Variants in IQSEC3 observed in about 807,000 individuals in gnomAD.
IQSEC3 encodes IQ motif and Sec7 domain ArfGEF 3, also known as IQ motif and SEC7 domain-containing protein 3.
In IQSEC3, 50 loss-of-function variants were observed where a neutral mutation model predicts 105.4. That is an observed-to-expected ratio of 0.47 (90% CI 0.38 to 0.60). The LOEUF (loss-of-function observed/expected upper bound fraction) is 0.60. IQSEC3 is among the 20% of genes least tolerant of loss of function. The pLI is 0.00. For synonymous variants in IQSEC3, 708 were observed against 746.0 expected, an observed-to-expected ratio of 0.95 and a Z score of 0.83; for missense variants, 1,415 against 1,630.0, an observed-to-expected ratio of 0.87 and a Z score of 2.27.
intron 13 of IQSEC3, among the ~76,000 whole-genome samples, chr12:174,114 G>A (rs920295526): frequency 6.6e-6 from 1 of 152,132 alleles, no homozygotes; most frequent in Admixed American, 6.5e-5. Flanking sequence ...CTATGAGGTC[G>A]ACGGTGCCAA....
In IQSEC3 at chr12:91,768, G is replaced by A. The variant is rs144336852; in HGVS notation, c.555-7378G>A. On this transcript the variant is annotated intron_variant, in intron 1 of 13. Coordinates refer to ENST00000538872, the MANE Select transcript of IQSEC3 (RefSeq NM_001170738.2). ...TGCACTCCAGGCTGGGCGATGGAGT[G>A]AGACCCTGTCTCAAAAAAAAGAAAG... Among the ~76,000 whole-genome samples, 62 of 152,220 alleles carry A rather than the reference G, an allele frequency of 4.1e-4. No homozygotes were observed. The East Asian group carries it at 9.3e-3, about 23-fold the overall frequency.
chr12:161,063 G>A (rs10848455), intron 7 of IQSEC3, among the ~76,000 whole-genome samples: 91,181 of 151,880 alleles, frequency 0.6, 27,695 homozygotes, highest in African/African-American at 0.64. Flanking sequence ...GCCTGACTTC[G>A]AGAACCAAGA....
At chr12:106,038 C>A (rs1275302161) in intron 2 of IQSEC3, among the ~76,000 whole-genome samples, 1 of 152,196 alleles carries the variant, frequency 6.6e-6, no homozygotes, top group African/African-American at 2.4e-5. Context: ...GGTTTTGTGT[C>A]TCCCACCCAT....
chr12:138,973 C>A lies in IQSEC3; in HGVS notation c.1610C>A (p.Ala537Asp), dbSNP rs781992968. The change falls in exon 4 of 14, where the codon GCC becomes GAC. Residue 537 changes from alanine (A) to aspartate (D), a missense_variant. Physicochemically the swap from Ala to Asp is moderately radical, Grantham distance 126. Transcript: ENST00000538872. This position sits in a 1 kb window ranked among gnomAD's most constrained non-coding sequence, Gnocchi z 7.1. The stretch of plus-strand genomic sequence containing the variant: ...CAGGGCGAGACCTCTGGGCGGGAGG[C>A]CCCGGAAGCCCCCGCCGTGGGCCGG... ...AEQGETSGRE[A>D]PEAPAVGRED... 8 of 1,539,124 alleles carry A rather than the reference C, an allele frequency of 5.2e-6. No individual in the cohort carries two copies. The highest frequency in any genetic ancestry group is 7.0e-6 in the Non-Finnish European group (8 of 1,142,920).
chr12:93,591 A>T (rs1478594231), intron 1 of IQSEC3, among the ~76,000 whole-genome samples: 3 of 152,168 alleles, frequency 2.0e-5, no homozygotes, highest in Non-Finnish European at 4.4e-5. Context: ...CTAGGCAATG[A>T]TCCCTCTGCC....
chr12:129,473 G>A (rs930848123), intron 3 of IQSEC3, among the ~76,000 whole-genome samples: 5 of 151,976 alleles, frequency 3.3e-5, no homozygotes, highest in Non-Finnish European at 7.4e-5. Context: ...ACAGCAAGAC[G>A]GTCCTCCTGC....
intron 3 of IQSEC3, chr12:137,450 G>A (rs574081182): frequency 2.6e-5 from 4 of 151,996 alleles, no homozygotes; most frequent in African/African-American, 7.3e-5. Context: ...AAGTAGAAAC[G>A]ACAGTGTTAT....
intron 3 of IQSEC3, among the ~76,000 whole-genome samples, chr12:137,887 C>T (rs571242072): frequency 6.6e-6 from 1 of 151,628 alleles, no homozygotes; most frequent in Admixed American, 6.6e-5. Flanking sequence ...TGGTCGCAAA[C>T]TCCTGAGCTC....
At position 90,187 on chromosome 12, in the gene IQSEC3, C is replaced by T. The variant is rs74620592; in HGVS notation, c.555-8959C>T. ...TGACTAGTGATGTTGAAGATCTTGT[C>T]GTGTGCTTGTTTGTCCTTAGTATAT... On this transcript the variant is annotated intron_variant, in intron 1 of 13. Coordinates refer to ENST00000538872, the MANE Select transcript of IQSEC3 (RefSeq NM_001170738.2). Among the ~76,000 whole-genome samples, 8 of 152,288 alleles carry T rather than the reference C, an allele frequency of 5.3e-5. No homozygotes were observed. In the East Asian group the frequency reaches 9.6e-4, roughly 18 times the overall value.
chr12:93,272 T>G (rs1864148236), intron 1 of IQSEC3, among the ~76,000 whole-genome samples: 1 of 152,156 alleles, frequency 6.6e-6, no homozygotes, highest in Non-Finnish European at 1.5e-5. Flanking sequence ...AAGCCAGCCC[T>G]CCTGAGGTAA....
rs73603112 is a variant in IQSEC3, at chr12:137,959, C to T, written c.904-308C>T. Among the ~76,000 whole-genome samples the T allele has an allele frequency of 7.1e-3, 1,084 of 152,162 alleles. 19 individuals carry two copies. The highest frequency in any genetic ancestry group is 0.025 in the African/African-American group (1,039 of 41,484). On this transcript the variant is annotated intron_variant, in intron 3 of 13. Coordinates refer to ENST00000538872, the MANE Select transcript of IQSEC3 (RefSeq NM_001170738.2). ...GACTGCAGGCCTGAGCTAATGCGCC[C>T]GGCCATGAACATTTTGTAATACCCG...
intron 13 of IQSEC3, among the ~76,000 whole-genome samples, chr12:172,228 C>T (rs951672577): frequency 5.7e-4 from 86 of 151,892 alleles, no homozygotes; most frequent in African/African-American, 2.0e-3. Context: ...CCCATGGCCC[C>T]CCACCCCCCA....
At chr12:126,018 C>A in intron 3 of IQSEC3, 106 bp downstream of exon 3, 2 of 1,167,664 alleles carry the variant, frequency 1.7e-6, no homozygotes, top group South Asian at 1.5e-5. Flanking sequence ...CCGCTACAGG[C>A]ACACCTCTTT....
Position 68,264 on chromosome 12 carries a change from C to T in IQSEC3, c.554+828C>T, listed in dbSNP as rs1331742377. Among the ~76,000 whole-genome samples, 12 of 151,748 alleles carry T rather than the reference C, an allele frequency of 7.9e-5. 1 individual carries two copies. In the South Asian group the frequency reaches 2.3e-3, roughly 29 times the overall value. On this transcript the variant is annotated intron_variant, in intron 1 of 13. Coordinates refer to ENST00000538872, the MANE Select transcript of IQSEC3 (RefSeq NM_001170738.2). ...GGGTTTTTCATACAGGGTGTTTGGC[C>T]GTTGTTGAAAGGGAGCAATGACATG...
intron 2 of IQSEC3, among the ~76,000 whole-genome samples, chr12:108,098 C>A (rs1225748224): frequency 6.7e-6 from 1 of 149,678 alleles, no homozygotes; most frequent in Non-Finnish European, 1.5e-5. Context: ...TGTTCCCTAA[C>A]CCTAACCCTA....
chr12:123,793 G>A (rs997989274), intron 2 of IQSEC3, among the ~76,000 whole-genome samples: 2 of 152,140 alleles, frequency 1.3e-5, no homozygotes, highest in Non-Finnish European at 2.9e-5. Flanking sequence ...GAAGACATAA[G>A]TCCTTAGGTT....
At chr12:143,826 C>CGTGTGTGTGTGTGTGTGT (rs111698246) in intron 5 of IQSEC3, 1 of 147,416 alleles carries the variant, frequency 6.8e-6, no homozygotes, top group Non-Finnish European at 1.5e-5. Context: ...GCTGGGCACC[C>CGTGTGTGTGTGTGTGTGT]GTGTGTGTGT....
At chr12:166,008 T>A in intron 11 of IQSEC3, 118 bp downstream of exon 11, 1 of 1,140,414 alleles carries the variant, frequency 8.8e-7, no homozygotes, top group Admixed American at 2.5e-5. Context: ...ACCCTCCCCG[T>A]GTCCAGGCCC....
intron 2 of IQSEC3, among the ~76,000 whole-genome samples, chr12:119,293 C>G (rs1865144593): frequency 6.6e-6 from 1 of 152,118 alleles, no homozygotes; most frequent in Non-Finnish European, 1.5e-5. Context: ...TGGCACTCTT[C>G]TCAGCATATG....
Sources: gnomAD v4.1 joint callset for allele counts (sites outside exome capture counted in the v4.1 genomes callset) on GRCh38, gnomAD v4.1.1 for gene constraint, Gnocchi (gnomAD v3.1) non-coding constraint, MANE v1.5 for transcripts, NCBI Gene and HGNC (gene_info 2026-07-23, HGNC 2026-07-21) for gene names.